The following EPHA6 variants were observed in gnomAD, a reference collection of about 807,000 sequenced individuals.
EPHA6 encodes the protein ephrin type-A receptor 6.
In EPHA6, 50 loss-of-function variants were observed where a neutral mutation model predicts 112.0. The observed-to-expected ratio is 0.45, with a 90% CI of 0.36 to 0.56. EPHA6 has a LOEUF of 0.56. EPHA6 is among the 20% of genes least tolerant of loss of function. The pLI is 0.00. For missense variants in EPHA6, 1,280 were observed against 1,417.4 expected (o/e 0.90, Z 1.56); for synonymous variants, 529 against 490.7 (o/e 1.08, Z -1.03).
rs995076336 is a variant in EPHA6 at position 97,395,557 on chromosome 3, G to A, written c.1607-9593G>A. 4.0e-5 allele frequency among the ~76,000 whole-genome samples: 6 copies of A among 151,622 alleles called. No homozygotes were observed. In the East Asian group the frequency reaches 5.8e-4, roughly 15 times the overall value. On this transcript the variant is annotated intron_variant, in intron 5 of 17. Transcript: ENST00000389672. Reference sequence around the variant, plus strand: ...GTGCTTCTGCTTTGCAATTATACCCGTTAGTTCATTTGTAAAGAGAAAGGA... The same window carrying A: ...GTGCTTCTGCTTTGCAATTATACCCATTAGTTCATTTGTAAAGAGAAAGGA...
rs115959110 is a variant in EPHA6, at chr3:97,099,993, G to T, written c.1114+112000G>T. ...TGGAGAAAATTAAAAACAAAGGAGTGTCTCCACCATGTGTATGTGTATTTT... is the reference window on the plus strand; with the variant it reads ...TGGAGAAAATTAAAAACAAAGGAGTTTCTCCACCATGTGTATGTGTATTTT... On this transcript the variant is annotated intron_variant, in intron 3 of 17. Transcript: ENST00000389672. Among the ~76,000 whole-genome samples the T allele has an allele frequency of 6.3e-3, 955 of 152,044 alleles. 11 individuals carry two copies. Among genetic ancestry groups the T allele is most frequent in the African/African-American group, 0.022 (926 of 41,540 alleles).
At chr3:97,500,242 C>G (rs1398655001) in intron 10 of EPHA6, among the ~76,000 whole-genome samples, 1 of 152,032 alleles carries the variant, frequency 6.6e-6, no homozygotes, top group East Asian at 1.9e-4. Flanking sequence ...TGTGTAAGTT[C>G]ATTCTGACAT....
intron 3 of EPHA6, among the ~76,000 whole-genome samples, chr3:97,014,761 C>T (rs551336470): frequency 2.6e-5 from 4 of 152,042 alleles, no homozygotes; most frequent in African/African-American, 9.7e-5. Flanking sequence ...GGATGATGAT[C>T]AAAGTATTTA....
chr3:97,413,300 C>G (rs2087864983), intron 6 of EPHA6, among the ~76,000 whole-genome samples: 1 of 151,806 alleles, frequency 6.6e-6, no homozygotes, highest in Non-Finnish European at 1.5e-5. Context: ...GAGGATGCGC[C>G]TGAGGAAAAA....
intron 3 of EPHA6, among the ~76,000 whole-genome samples, chr3:97,096,565 A>C (rs1270973501): frequency 6.6e-6 from 1 of 151,888 alleles, no homozygotes; most frequent in Non-Finnish European, 1.5e-5. Flanking sequence ...CAAAAGAAGA[A>C]TATAACCTGT....
chr3:96,817,353 G>A (rs951511383), intron 1 of EPHA6, among the ~76,000 whole-genome samples: 7 of 151,416 alleles, frequency 4.6e-5, no homozygotes, highest in Non-Finnish European at 1.0e-4. Context: ...AACATTTTAG[G>A]GATATTTTCC....
At chr3:97,579,651 C>T (rs1213952667) in intron 11 of EPHA6, among the ~76,000 whole-genome samples, 3 of 152,182 alleles carry the variant, frequency 2.0e-5, no homozygotes, top group Admixed American at 2.0e-4. Flanking sequence ...CCATTATTTA[C>T]ACCACTGCAG....
intron 14 of EPHA6, among the ~76,000 whole-genome samples, chr3:97,714,817 C>A (rs1176570066): frequency 6.6e-6 from 1 of 152,212 alleles, no homozygotes; most frequent in Non-Finnish European, 1.5e-5. Context: ...CTCTGCCACA[C>A]ATAATCCCAC....
At chr3:97,070,755 G>A (rs537809078) in intron 3 of EPHA6, among the ~76,000 whole-genome samples, 1 of 152,148 alleles carries the variant, frequency 6.6e-6, no homozygotes, top group African/African-American at 2.4e-5. Flanking sequence ...AGGTGTTCTA[G>A]GTAGGCTGAA....
chr3:97,580,106 T>C (rs1037048728), intron 11 of EPHA6, among the ~76,000 whole-genome samples: 11 of 152,350 alleles, frequency 7.2e-5, no homozygotes, highest in African/African-American at 2.6e-4. Flanking sequence ...AAAGTAGTTT[T>C]TGTGGTGCCA....
intron 2 of EPHA6, among the ~76,000 whole-genome samples, chr3:96,888,443 T>C (rs763770381): frequency 6.6e-6 from 1 of 152,114 alleles, no homozygotes; most frequent in Non-Finnish European, 1.5e-5. Context: ...AGGAGCAGTC[T>C]GCTTCCCTCA....
intron 11 of EPHA6, among the ~76,000 whole-genome samples, chr3:97,591,428 A>T (rs2093543403): frequency 6.6e-6 from 1 of 152,228 alleles, no homozygotes; most frequent in Admixed American, 6.5e-5. Context: ...GCAAACACAG[A>T]ACTTGCTAAA....
At chr3:97,005,724 G>T (rs149901862) in intron 3 of EPHA6, among the ~76,000 whole-genome samples, 2,021 of 152,222 alleles carry the variant, frequency 0.013, 52 homozygotes, top group African/African-American at 0.045. Context: ...TCCAGCTTTT[G>T]CCCATTCAAT....
intron 11 of EPHA6, among the ~76,000 whole-genome samples, chr3:97,589,895 A>G (rs888405016): frequency 6.6e-6 from 1 of 152,232 alleles, no homozygotes; most frequent in Non-Finnish European, 1.5e-5. Flanking sequence ...ATATCATTGA[A>G]TAATAAATTC....
chr3:97,374,199 C>A (rs1201622877), intron 5 of EPHA6, among the ~76,000 whole-genome samples: 2 of 152,106 alleles, frequency 1.3e-5, no homozygotes, highest in African/African-American at 4.8e-5. Flanking sequence ...AAATTAATTT[C>A]TACTTTCAGC....
At chr3:97,194,955 G>A (rs139386803) in intron 3 of EPHA6, among the ~76,000 whole-genome samples, 35 of 152,040 alleles carry the variant, frequency 2.3e-4, no homozygotes, top group Admixed American at 7.2e-4. Flanking sequence ...GGCTTTACAC[G>A]TGAAGTGTGT....
intron 1 of EPHA6, among the ~76,000 whole-genome samples, chr3:96,816,387 A>G (rs888732622): frequency 9.2e-5 from 14 of 152,154 alleles, no homozygotes; most frequent in Non-Finnish European, 1.8e-4. Flanking sequence ...CTGTGGTGGT[A>G]TATACCATCA....
intron 3 of EPHA6, among the ~76,000 whole-genome samples, chr3:97,109,129 A>G (rs535919101): frequency 4.6e-5 from 7 of 152,298 alleles, no homozygotes; most frequent in African/African-American, 1.7e-4. Flanking sequence ...ACCATGATTT[A>G]TTTGATTCGG....
intron 3 of EPHA6, among the ~76,000 whole-genome samples, chr3:97,034,695 A>G (rs1037782816): frequency 6.6e-6 from 1 of 151,934 alleles, no homozygotes; most frequent in African/African-American, 2.4e-5. Context: ...TGCCTATACC[A>G]GTTGTTTTCA....
Sources: allele counts gnomAD v4.1 joint callset (sites outside exome capture counted in the v4.1 genomes callset), GRCh38; gene constraint gnomAD v4.1.1; transcripts MANE v1.5; gene names NCBI Gene and HGNC (gene_info 2026-07-23, HGNC 2026-07-21).